FOXP1: variants seen among roughly 807,000 people sequenced by gnomAD.
The protein encoded by FOXP1 is forkhead box protein P1.
A neutral mutation model predicts 98.2 loss-of-function variants in FOXP1; 15 were observed. The ratio of observed to expected loss-of-function variants is 0.15; its 90% CI spans 0.10 to 0.24. FOXP1 has a LOEUF of 0.24. Among genes scored for constraint, FOXP1 ranks in the 10% least tolerant of loss-of-function variants. The pLI is 1.00. For missense variants in FOXP1, 633 were observed against 848.5 expected, an observed-to-expected ratio of 0.75 and a Z score of 3.15; for synonymous variants, 371 against 314.5, an observed-to-expected ratio of 1.18 and a Z score of -1.90.
At chr3:71,195,112 T>C (rs1393227027) in intron 6 of FOXP1, among the ~76,000 whole-genome samples, 1 of 152,126 alleles carries the variant, frequency 6.6e-6, no homozygotes, top group African/African-American at 2.4e-5. Flanking sequence ...CAGCCCAAGG[T>C]TACCAGATAT....
At chr3:71,537,391 C>G (rs190442025) in intron 2 of FOXP1, among the ~76,000 whole-genome samples, 3 of 152,130 alleles carry the variant, frequency 2.0e-5, no homozygotes, top group Non-Finnish European at 4.4e-5. Context: ...ATTGGCTCAG[C>G]AGTATGGAAA....
At chr3:71,218,525 T>G (rs375272546) in intron 5 of FOXP1, among the ~76,000 whole-genome samples, 2 of 152,188 alleles carry the variant, frequency 1.3e-5, no homozygotes, top group African/African-American at 4.8e-5. Context: ...TATTGCATCT[T>G]GTCTAAAGTT....
Position 70,966,046 on chromosome 3 carries a change from G to C in FOXP1, c.1733C>G (p.Ala578Gly). ...PLNAALQASM[A>G]ENSIPLYTTA... ...AGTGTATAGAGGTATACTATTCTCAGCCATTGAAGCCTGTCATCAACCAAG... is the reference window on the plus strand; with the variant it reads ...AGTGTATAGAGGTATACTATTCTCACCCATTGAAGCCTGTCATCAACCAAG... The change falls in exon 20 of 21, where the codon GCT (alanine) becomes GGT (glycine). Residue 578 changes from alanine to glycine, a missense_variant. Physicochemically the swap from Ala to Gly is moderately conservative, Grantham distance 60. Coordinates refer to ENST00000649528, the MANE Select transcript of FOXP1 (RefSeq NM_001349338.3). The C allele has an allele frequency of 6.2e-7, 1 of 1,614,080 alleles. No homozygotes were observed. The highest frequency in any genetic ancestry group is 8.5e-7 in the Non-Finnish European group (1 of 1,179,960).
At chr3:71,466,698 G>A (rs1436941348) in intron 3 of FOXP1, among the ~76,000 whole-genome samples, 5 of 152,158 alleles carry the variant, frequency 3.3e-5, no homozygotes, top group Non-Finnish European at 5.9e-5. Context: ...GTGCAGGGAC[G>A]TGAGCCCCAC....
intron 7 of FOXP1, among the ~76,000 whole-genome samples, chr3:71,067,028 A>G (rs762561477): frequency 2.6e-5 from 4 of 152,120 alleles, no homozygotes; most frequent in Non-Finnish European, 5.9e-5. Context: ...GACCACAAAG[A>G]AGGAGGAGAT....
rs898616274 is a variant in FOXP1, at chr3:71,229,613, C to T, written c.-11-31221G>A. 2.6e-5 allele frequency among the ~76,000 whole-genome samples: 4 copies of T among 152,058 alleles called. No individual in the cohort carries two copies. In the East Asian group the frequency reaches 5.8e-4, roughly 22 times the overall value. On this transcript the variant is annotated intron_variant, in intron 5 of 20. Coordinates refer to ENST00000649528, the MANE Select transcript of FOXP1 (RefSeq NM_001349338.3). ...GGAAAAAAAGGGTTCTCAAAATCCACGTATTTATTCAGATTTCATCATACA... is the reference window on the plus strand; with the variant it reads ...GGAAAAAAAGGGTTCTCAAAATCCATGTATTTATTCAGATTTCATCATACA...
At chr3:71,492,278 C>G (rs1199006807) in intron 3 of FOXP1, among the ~76,000 whole-genome samples, 2 of 151,910 alleles carry the variant, frequency 1.3e-5, no homozygotes, top group African/African-American at 4.8e-5. Flanking sequence ...GTGGTGAAAC[C>G]CTGTCTCTCC....
chr3:71,162,020 G>A (rs1213329309), intron 6 of FOXP1, among the ~76,000 whole-genome samples: 2 of 152,124 alleles, frequency 1.3e-5, no homozygotes, highest in African/African-American at 4.8e-5. Context: ...TTCAGTTCTG[G>A]ACCAATTGAG....
intron 1 of FOXP1, chr3:71,582,676 G>A (rs2048280059): frequency 7.1e-6 from 7 of 985,416 alleles, no homozygotes; most frequent in Non-Finnish European, 8.4e-6. Context: ...ACTCCTCGCA[G>A]CGCATCCGGC....
chr3:71,104,777 T>C (rs1360957861), intron 7 of FOXP1, among the ~76,000 whole-genome samples: 1 of 152,222 alleles, frequency 6.6e-6, no homozygotes. Flanking sequence ...TACCGGACGC[T>C]GGAAACTTTG....
intron 3 of FOXP1, among the ~76,000 whole-genome samples, chr3:71,371,699 G>C (rs2079327122): frequency 6.6e-6 from 1 of 152,192 alleles, no homozygotes; most frequent in African/African-American, 2.4e-5. Context: ...TGAGGTGGGA[G>C]GATCATCTGA....
chr3:71,344,735 G>A (rs945203772), intron 4 of FOXP1, among the ~76,000 whole-genome samples: 2 of 152,158 alleles, frequency 1.3e-5, no homozygotes, highest in Non-Finnish European at 2.9e-5. Flanking sequence ...CTACTTGGGA[G>A]GCTGAGGCAC....
chr3:71,154,304 C>G (rs552799247), intron 6 of FOXP1, among the ~76,000 whole-genome samples: 1 of 152,064 alleles, frequency 6.6e-6, no homozygotes, highest in African/African-American at 2.4e-5. Flanking sequence ...CTGCGGTCAC[C>G]ATGCTGCACA....
intron 3 of FOXP1, among the ~76,000 whole-genome samples, chr3:71,408,413 C>G (rs1379867022): frequency 6.6e-6 from 1 of 152,156 alleles, no homozygotes; most frequent in Non-Finnish European, 1.5e-5. Flanking sequence ...TAATCAGGCT[C>G]GCACACAGCC....
intron 4 of FOXP1, among the ~76,000 whole-genome samples, chr3:71,314,822 GA>G (rs949572788): frequency 6.6e-6 from 1 of 151,814 alleles, no homozygotes; most frequent in Middle Eastern, 3.2e-3. Context: ...TTCAAAGAAG[GA>G]AAGAGGAGAA....
chr3:71,124,079 C>A (rs2686270), intron 6 of FOXP1, among the ~76,000 whole-genome samples: 42,882 of 151,412 alleles, frequency 0.28, 7,180 homozygotes, highest in East Asian at 0.61. Flanking sequence ...ATGCAACATA[C>A]CCAGGTAACA....
At chr3:70,993,866 T>C (rs1453879831) in intron 13 of FOXP1, among the ~76,000 whole-genome samples, 1 of 151,884 alleles carries the variant, frequency 6.6e-6, no homozygotes, top group East Asian at 2.0e-4. Flanking sequence ...TGGTGGCACA[T>C]GCCTATAGTC....
At chr3:71,400,426 G>A (rs537570394) in intron 3 of FOXP1, among the ~76,000 whole-genome samples, 14 of 151,976 alleles carry the variant, frequency 9.2e-5, no homozygotes, top group East Asian at 3.9e-4. Context: ...GTGCAATCTC[G>A]GCTCACTGCA....
intron 10 of FOXP1, 137 bp from the exon 11 acceptor site, chr3:71,041,669 C>A: frequency 1.3e-6 from 1 of 790,438 alleles, no homozygotes; most frequent in Non-Finnish European, 2.1e-6. Context: ...TTTTTCCCCT[C>A]CCAACTACGG....
Sources: gnomAD v4.1 joint callset for allele counts (sites outside exome capture counted in the v4.1 genomes callset) on GRCh38, gnomAD v4.1.1 for gene constraint, MANE v1.5 for transcripts, NCBI Gene and HGNC (gene_info 2026-07-23, HGNC 2026-07-21) for gene names.